The following TENM2 variants were observed in gnomAD, a reference collection of about 807,000 sequenced individuals.
TENM2 encodes the protein teneurin transmembrane protein 2, also known as teneurin-2.
Under a neutral mutation model 245.2 loss-of-function variants are expected in TENM2, and 52 were observed. That is an observed-to-expected ratio of 0.21 (90% CI 0.17 to 0.27). The LOEUF (loss-of-function observed/expected upper bound fraction) is 0.27. Ranked by LOEUF, TENM2 falls within the 10% of genes least tolerant of loss-of-function variation. TENM2 has a pLI of 1.00. For missense variants in TENM2, 3,046 were observed against 3,666.8 expected (o/e 0.83, Z 4.37); for synonymous variants, 1,363 against 1,438.9 (o/e 0.95, Z 1.19).
At chr5:167,412,429 G>C (rs1444438597) in intron 2 of TENM2, among the ~76,000 whole-genome samples, 1 of 152,072 alleles carries the variant, frequency 6.6e-6, no homozygotes, top group Non-Finnish European at 1.5e-5. Context: ...GGGAGGCTAA[G>C]GTGGGTAGAT....
intron 2 of TENM2, among the ~76,000 whole-genome samples, chr5:167,797,150 C>A (rs900280256): frequency 6.6e-6 from 1 of 152,152 alleles, no homozygotes; most frequent in Non-Finnish European, 1.5e-5. Context: ...GAGGTGAGGA[C>A]TTAGCAATTG....
chr5:168,151,419 C>T (rs1200717103), intron 12 of TENM2, among the ~76,000 whole-genome samples: 1 of 152,178 alleles, frequency 6.6e-6, no homozygotes, highest in Non-Finnish European at 1.5e-5. Context: ...ACGCACAGAC[C>T]TTTCTGCCAT....
intron 2 of TENM2, among the ~76,000 whole-genome samples, chr5:167,762,622 C>T (rs976694206): frequency 1.3e-5 from 2 of 152,194 alleles, no homozygotes; most frequent in Non-Finnish European, 2.9e-5. Context: ...ATCAGAAAGG[C>T]TTTTGCTGTG....
At chr5:168,226,674 C>A (rs1449810190) in intron 24 of TENM2, among the ~76,000 whole-genome samples, 1 of 152,126 alleles carries the variant, frequency 6.6e-6, no homozygotes, top group African/African-American at 2.4e-5. Flanking sequence ...CTTGTTCCAT[C>A]CTGATTCTCT....
intron 20 of TENM2, 76 bp from the exon 23 acceptor site, chr5:168,214,964 T>G (rs1763059591): frequency 8.0e-7 from 1 of 1,249,990 alleles, no homozygotes; most frequent in African/African-American, 1.5e-5. Flanking sequence ...TTGCTAGGAT[T>G]TTTGTCATTC....
intron 2 of TENM2, among the ~76,000 whole-genome samples, chr5:167,776,629 A>G (rs1349184992): frequency 1.1e-4 from 1 of 9,394 alleles, no homozygotes; most frequent in Non-Finnish European, 1.8e-4. Flanking sequence ...AAAAAAAACC[A>G]TATATATGTA....
At chr5:167,918,495 G>A (rs1288684550) in intron 3 of TENM2, among the ~76,000 whole-genome samples, 1 of 152,204 alleles carries the variant, frequency 6.6e-6, no homozygotes, top group African/African-American at 2.4e-5. Context: ...GTTAGACAGA[G>A]CCACAGCTGA....
chr5:167,107,539 A>T, the TENM2 span, among the ~76,000 whole-genome samples: 3 of 152,178 alleles, frequency 2.0e-5, no homozygotes, highest in East Asian at 3.8e-4. Flanking sequence ...TTTACAAAAA[A>T]TTTTTCTTAA....
chr5:167,879,228 T>C lies in TENM2; in HGVS notation c.712+3033T>C, dbSNP rs532704492. Among the ~76,000 whole-genome samples, 14 of 152,326 alleles carry C rather than the reference T, an allele frequency of 9.2e-5. No individual in the cohort carries two copies. In the South Asian group the frequency reaches 2.9e-3, roughly 32 times the overall value. ...TTTTCTATGACAGTGGTGCATTCTT[T>C]AGTGAATGGTACTAAAACCTTGCCA... is the stretch of plus-strand genomic sequence containing the variant. On this transcript the variant is annotated intron_variant, in intron 3 of 28. Coordinates refer to ENST00000518659, the Ensembl canonical transcript of TENM2.
intron 2 of TENM2, among the ~76,000 whole-genome samples, chr5:167,811,971 C>A (rs1225140614): frequency 2.0e-5 from 3 of 152,118 alleles, no homozygotes; most frequent in South Asian, 4.1e-4. Flanking sequence ...AGAGCACATA[C>A]ACAAGGACGT....
intron 2 of TENM2, among the ~76,000 whole-genome samples, chr5:167,758,824 A>G (rs1471651835): frequency 6.6e-6 from 1 of 151,946 alleles, no homozygotes; most frequent in East Asian, 1.9e-4. Flanking sequence ...AAACTCTCTC[A>G]TATTGCCAGG....
chr5:167,560,720 C>G, intron 2 of TENM2, among the ~76,000 whole-genome samples: 1 of 152,134 alleles, frequency 6.6e-6, no homozygotes, highest in East Asian at 1.9e-4. Context: ...AGAGAGCTCT[C>G]AAGAAACATT....
intron 4 of TENM2, among the ~76,000 whole-genome samples, chr5:167,954,037 T>C (rs1041277290): frequency 2.6e-5 from 4 of 152,308 alleles, no homozygotes; most frequent in South Asian, 4.1e-4. Flanking sequence ...ATAAATATCC[T>C]TGATCTCAAC....
chr5:167,715,340 C>T (rs1202192517), intron 2 of TENM2, among the ~76,000 whole-genome samples: 2 of 152,054 alleles, frequency 1.3e-5, no homozygotes, highest in Non-Finnish European at 2.9e-5. Flanking sequence ...TAGTGAACAC[C>T]TGGTTTCTTT....
intron 25 of TENM2, among the ~76,000 whole-genome samples, chr5:168,232,049 G>A (rs1457968170): frequency 6.6e-6 from 1 of 152,186 alleles, no homozygotes; most frequent in Non-Finnish European, 1.5e-5. Flanking sequence ...CTGGGCAACA[G>A]AGCAAGACCC....
chr5:167,298,192 G>C (rs1297150871), intron 1 of TENM2, among the ~76,000 whole-genome samples: 1 of 152,168 alleles, frequency 6.6e-6, no homozygotes, highest in East Asian at 1.9e-4. Context: ...CCTAGAGTGG[G>C]AGAGATTAAG....
chr5:167,184,108 A>G, the TENM2 span, among the ~76,000 whole-genome samples: 2 of 152,256 alleles, frequency 1.3e-5, no homozygotes, highest in Non-Finnish European at 2.9e-5. Context: ...TGGTGTTTTC[A>G]AAGAGAATTA....
chr5:167,447,572 T>G (rs1263843521), intron 2 of TENM2, among the ~76,000 whole-genome samples: 1 of 152,164 alleles, frequency 6.6e-6, no homozygotes, highest in African/African-American at 2.4e-5. Flanking sequence ...GCCAGTAAAG[T>G]TTTATTTCCA....
the TENM2 span, among the ~76,000 whole-genome samples, chr5:167,264,979 T>C: frequency 6.6e-6 from 1 of 152,058 alleles, no homozygotes; most frequent in East Asian, 1.9e-4. Flanking sequence ...GAGTCAAATA[T>C]AGAGCAAAAA....
Sources: gnomAD v4.1 joint callset for allele counts (sites outside exome capture counted in the v4.1 genomes callset) on GRCh38, gnomAD v4.1.1 for gene constraint, MANE v1.5 for transcripts, NCBI Gene and HGNC (gene_info 2026-07-23, HGNC 2026-07-21) for gene names.